FCHSD2: variants seen among roughly 807,000 people sequenced by gnomAD.
FCHSD2 encodes the protein FCH and double SH3 domains 2.
Under a neutral mutation model 108.1 loss-of-function variants are expected in FCHSD2, and 38 were observed. The ratio of observed to expected loss-of-function variants is 0.35; its 90% CI spans 0.27 to 0.46. The LOEUF (loss-of-function observed/expected upper bound fraction) is 0.46. FCHSD2 is among the 20% of genes least tolerant of loss of function. The pLI is 1.00. For missense variants in FCHSD2, 751 were observed against 897.8 expected, an observed-to-expected ratio of 0.84 and a Z score of 2.09; for synonymous variants, 279 against 314.7, an observed-to-expected ratio of 0.89 and a Z score of 1.20.
intron 3 of FCHSD2, among the ~76,000 whole-genome samples, chr11:73,069,279 C>G (rs1006465093): frequency 1.5e-4 from 22 of 143,602 alleles, no homozygotes; most frequent in Non-Finnish European, 3.1e-4. Flanking sequence ...CCACTGCACT[C>G]CAGCCTGGGT....
chr11:73,132,952 A>G (rs1861038232), intron 2 of FCHSD2, among the ~76,000 whole-genome samples: 1 of 152,210 alleles, frequency 6.6e-6, no homozygotes, highest in Non-Finnish European at 1.5e-5. Context: ...TTAAATGGGC[A>G]AAGTACTTGA....
At chr11:72,923,807 C>T (rs972128335) in intron 8 of FCHSD2, among the ~76,000 whole-genome samples, 99 of 152,166 alleles carry the variant, frequency 6.5e-4, no homozygotes, top group Non-Finnish European at 2.2e-4. Flanking sequence ...GATGTAGTGG[C>T]GTCTGCCTGT....
intron 7 of FCHSD2, among the ~76,000 whole-genome samples, chr11:72,984,520 G>C (rs1857275715): frequency 6.6e-6 from 1 of 152,146 alleles, no homozygotes; most frequent in African/African-American, 2.4e-5. Flanking sequence ...TCTGAAATAA[G>C]TACCTTATCT....
intron 8 of FCHSD2, among the ~76,000 whole-genome samples, chr11:72,983,028 C>T (rs1241284213): frequency 6.6e-6 from 1 of 152,220 alleles, no homozygotes; most frequent in East Asian, 1.9e-4. Flanking sequence ...GGCGCGGTGG[C>T]TCATGCCTGT....
chr11:73,032,726 C>A (rs1165813429), intron 3 of FCHSD2, among the ~76,000 whole-genome samples: 1 of 151,692 alleles, frequency 6.6e-6, no homozygotes, highest in Non-Finnish European at 1.5e-5. Context: ...AAATTGACAT[C>A]TAAAAAAAAA....
chr11:73,080,042 A>G (rs1405219548), intron 3 of FCHSD2, among the ~76,000 whole-genome samples: 1 of 152,172 alleles, frequency 6.6e-6, no homozygotes, highest in Non-Finnish European at 1.5e-5. Flanking sequence ...TCATGCCTCT[A>G]ATCCCCAGTG....
intron 8 of FCHSD2, chr11:72,941,184 T>G (rs1856410525): frequency 3.0e-6 from 1 of 336,742 alleles, no homozygotes; most frequent in Non-Finnish European, 5.5e-6. Flanking sequence ...TAAGCTATTT[T>G]AATATTTTTA....
chr11:72,889,948 A>G lies in FCHSD2; in HGVS notation c.925-3T>C. 2 of 1,560,988 alleles carry G rather than the reference A, an allele frequency of 1.3e-6. No individual in the cohort carries two copies. The highest frequency in any genetic ancestry group is 2.2e-5 in the South Asian group (2 of 89,842). On this transcript the variant is annotated splice_region_variant and splice_polypyrimidine_tract_variant and intron_variant, in intron 10 of 19. Transcript: ENST00000409418. The stretch of plus-strand genomic sequence containing the variant: ...GTTTCTGATTCTAACTGTCGGCTCT[A>G]CAATACAAGAGAGAACAGAGATAAA...
At chr11:72,972,061 TAA>T (rs1316426318) in intron 8 of FCHSD2, among the ~76,000 whole-genome samples, 4 of 152,200 alleles carry the variant, frequency 2.6e-5, no homozygotes, top group Admixed American at 6.5e-5. Context: ...AAAATTGATT[TAA>T]AAAGAGTTAA....
At chr11:72,951,934 C>T (rs1414355621) in intron 8 of FCHSD2, among the ~76,000 whole-genome samples, 2 of 152,172 alleles carry the variant, frequency 1.3e-5, no homozygotes, top group African/African-American at 4.8e-5. Flanking sequence ...ACTGTAACAG[C>T]TATACTCTTT....
At chr11:73,039,532 A>T (rs967911553) in intron 3 of FCHSD2, among the ~76,000 whole-genome samples, 1 of 152,100 alleles carries the variant, frequency 6.6e-6, no homozygotes, top group Non-Finnish European at 1.5e-5. Flanking sequence ...AAAAAAAGAA[A>T]GAAAGAAAAG....
At chr11:73,128,432 A>T in intron 2 of FCHSD2, among the ~76,000 whole-genome samples, 1 of 152,192 alleles carries the variant, frequency 6.6e-6, no homozygotes, top group African/African-American at 2.4e-5. Context: ...CAAGAAGATC[A>T]CATTTCCAGC....
Position 72,921,853 on chromosome 11 carries a change from T to C in FCHSD2, c.803A>G (p.Gln268Arg), listed in dbSNP as rs1161370969. Residue 268 changes from glutamine (Q) to arginine (R), a missense_variant, in exon 9 of 20, where the codon CAG (glutamine) becomes CGG (arginine). Coordinates refer to ENST00000409418, the MANE Select transcript of FCHSD2 (RefSeq NM_014824.3). Reference protein sequence around the residue: ...ETCQAVQNTFQFLLENSSKVV... With the variant: ...ETCQAVQNTFRFLLENSSKVV... ...CTTGCTGGAGTTTTCTAATAAAAAC[T>C]GGAATGTGTTCTGCACAGCTTGGCA... The C allele has an allele frequency of 1.2e-6, 2 of 1,611,140 alleles. No homozygotes were observed. The highest frequency in any genetic ancestry group is 1.7e-6 in the Non-Finnish European group (2 of 1,178,432).
intron 8 of FCHSD2, among the ~76,000 whole-genome samples, chr11:72,930,200 C>T (rs1274170558): frequency 6.6e-6 from 1 of 152,164 alleles, no homozygotes; most frequent in Non-Finnish European, 1.5e-5. Flanking sequence ...TGCAAGCCCG[C>T]TGCTGAAACT....
intron 3 of FCHSD2, among the ~76,000 whole-genome samples, chr11:73,045,522 T>C (rs537783281): frequency 6.6e-6 from 1 of 152,138 alleles, no homozygotes; most frequent in East Asian, 1.9e-4. Flanking sequence ...CCAACCCAGA[T>C]GTCCAACAAT....
rs139557221 is a variant in FCHSD2, at chr11:72,889,708, T to G, written c.1041+121A>C. The G allele has an allele frequency of 1.4e-3, 866 of 634,010 alleles. 14 individuals carry two copies. In the East Asian group the frequency reaches 0.022, roughly 16 times the overall value. The allele number at this position is 634,010 out of a possible 1,614,324, so 39.3% of individuals were successfully genotyped here. A position where few individuals can be genotyped will look rare whatever the true frequency, so the allele number is the denominator to read the frequency against. ...AACCTGGGTGACAGAGCAAGCCTCT[T>G]GTCTCAAATAAAACAAAACAACACA... On this transcript the variant is annotated intron_variant, in intron 11 of 19. Coordinates refer to ENST00000409418, the MANE Select transcript of FCHSD2 (RefSeq NM_014824.3).
At chr11:73,024,712 G>A (rs969230831) in intron 3 of FCHSD2, among the ~76,000 whole-genome samples, 3 of 151,952 alleles carry the variant, frequency 2.0e-5, no homozygotes, top group Admixed American at 6.6e-5. Flanking sequence ...ACACCCTACC[G>A]AATGGGAGAA....
intron 8 of FCHSD2, 61 bp downstream of exon 8, chr11:72,984,027 A>G: frequency 1.4e-6 from 2 of 1,408,662 alleles, no homozygotes; most frequent in Non-Finnish European, 2.0e-6. Flanking sequence ...CCCAACACCC[A>G]ACTTAAGTTG....
chr11:72,896,591 C>T (rs1855422048), intron 10 of FCHSD2, among the ~76,000 whole-genome samples: 1 of 151,794 alleles, frequency 6.6e-6, no homozygotes, highest in Admixed American at 6.6e-5. Flanking sequence ...TTGATGAGAT[C>T]CTCTTTGTGG....
Sources: gnomAD v4.1 joint callset for allele counts (sites outside exome capture counted in the v4.1 genomes callset) on GRCh38, gnomAD v4.1.1 for gene constraint, MANE v1.5 for transcripts, NCBI Gene and HGNC (gene_info 2026-07-23, HGNC 2026-07-21) for gene names.